The following ADGRL2 variants were observed in gnomAD, a reference collection of about 807,000 sequenced individuals.
ADGRL2 encodes adhesion G protein-coupled receptor L2.
Under a neutral mutation model 157.4 loss-of-function variants are expected in ADGRL2, and 44 were observed. The ratio of observed to expected loss-of-function variants is 0.28; its 90% confidence interval spans 0.22 to 0.36. The LOEUF is 0.36. Among genes scored for constraint, ADGRL2 ranks in the 10% least tolerant of loss-of-function variants. The pLI, the probability that ADGRL2 is intolerant of heterozygous loss-of-function variation, is 1.00. For synonymous variants in ADGRL2, 585 were observed against 624.7 expected, an observed-to-expected ratio of 0.94 and a Z score of 0.95; for missense variants, 1,510 against 1,768.9, an observed-to-expected ratio of 0.85 and a Z score of 2.63.
rs780161057 is a variant in ADGRL2 at position 81,969,256 on chromosome 1, A to G, written c.2602A>G (p.Ile868Val). 29 of 1,613,918 alleles carry G rather than the reference A, an allele frequency of 1.8e-5. No homozygotes were observed. The highest frequency in any genetic ancestry group is 1.6e-4 in the Middle Eastern group (1 of 6,084). ...TGTCATTTCCCTTGTTTGCCTGGCT[A>G]TCTGCATCTTCACCTTCTGCTTTTT... ...GIVISLVCLA[I>V]CIFTFCFFRG... is the part of the protein sequence containing the mutation. The change falls in exon 15 of 24, where the codon ATC becomes GTC. Residue 868 changes from isoleucine (I) to valine (V), a missense_variant. Ile to Val is a conservative substitution (Grantham distance 29). Transcript: ENST00000686636.
chr1:81,507,913 C>A (rs1480931411), intron 2 of ADGRL2, among the ~76,000 whole-genome samples: 2 of 136,852 alleles, frequency 1.5e-5, no homozygotes, highest in African/African-American at 6.7e-5. Flanking sequence ...CATGAGATTA[C>A]CTTATTTAAA....
At chr1:81,785,530 C>G (rs898202613) in intron 2 of ADGRL2, among the ~76,000 whole-genome samples, 1 of 151,956 alleles carries the variant, frequency 6.6e-6, no homozygotes, top group Non-Finnish European at 1.5e-5. Context: ...GAGTTCCAGA[C>G]CAGCCTGGGC....
intron 2 of ADGRL2, among the ~76,000 whole-genome samples, chr1:81,507,763 A>G (rs973907659): frequency 2.6e-5 from 4 of 152,242 alleles, no homozygotes; most frequent in Non-Finnish European, 2.9e-5. Flanking sequence ...TATCAAAGAT[A>G]GAATAATTCA....
chr1:81,677,841 A>C (rs770530969), intron 3 of ADGRL2, among the ~76,000 whole-genome samples: 3 of 152,186 alleles, frequency 2.0e-5, no homozygotes, highest in Non-Finnish European at 4.4e-5. Context: ...GATGACCATA[A>C]AACAGAATTT....
intron 2 of ADGRL2, among the ~76,000 whole-genome samples, chr1:81,790,144 G>A (rs1175993568): frequency 6.6e-6 from 1 of 152,138 alleles, no homozygotes; most frequent in Non-Finnish European, 1.5e-5. Flanking sequence ...TAAGGGAGAA[G>A]AGTGTTCTAG....
chr1:81,491,348 A>C lies in ADGRL2; in HGVS notation c.-248+46259A>C, dbSNP rs115867757. On this transcript the variant is annotated intron_variant, in intron 2 of 24. Coordinates refer to the ADGRL2 transcript ENST00000370721. ...TAGTCTAGTCTAGGTGAGATTCTCT[A>C]TACATCCCAATCTGGGTAATGCTCA... Among the ~76,000 whole-genome samples, 231 of 152,270 alleles carry C rather than the reference A, an allele frequency of 1.5e-3. 1 individual carries two copies. The highest frequency in any genetic ancestry group is 5.4e-3 in the African/African-American group (225 of 41,558).
At chr1:81,784,906 T>G (rs1202151008) in intron 2 of ADGRL2, among the ~76,000 whole-genome samples, 4 of 152,158 alleles carry the variant, frequency 2.6e-5, no homozygotes, top group Non-Finnish European at 5.9e-5. Context: ...ATGAATTAAC[T>G]ATATCTTTTA....
At chr1:81,859,284 C>T (rs2093313074) in intron 2 of ADGRL2, among the ~76,000 whole-genome samples, 1 of 151,902 alleles carries the variant, frequency 6.6e-6, no homozygotes, top group African/African-American at 2.4e-5. Context: ...CGTGTCAATT[C>T]AGTGCTATTT....
intron 2 of ADGRL2, among the ~76,000 whole-genome samples, chr1:81,789,354 A>G (rs2087216739): frequency 2.6e-5 from 4 of 152,224 alleles, no homozygotes; most frequent in African/African-American, 9.6e-5. Flanking sequence ...CATATCATCT[A>G]AGAAAGATAA....
At chr1:81,492,324 T>A (rs1247966182) in intron 2 of ADGRL2, among the ~76,000 whole-genome samples, 2 of 152,214 alleles carry the variant, frequency 1.3e-5, no homozygotes, top group African/African-American at 2.4e-5. Flanking sequence ...TATGTAAATA[T>A]CTTTGTAAAA....
At chr1:81,620,143 A>G (rs1370599412) in intron 3 of ADGRL2, among the ~76,000 whole-genome samples, 1 of 152,230 alleles carries the variant, frequency 6.6e-6, no homozygotes, top group Non-Finnish European at 1.5e-5. Flanking sequence ...GTTTTGCACC[A>G]TAGAAGTAAC....
chr1:81,903,816 C>CATTATATATATATACACATTTTATATAT (rs2094535698), intron 2 of ADGRL2, among the ~76,000 whole-genome samples: 1 of 98,574 alleles, frequency 1.0e-5, no homozygotes, highest in Non-Finnish European at 2.6e-5. Context: ...TTTATATACA[C>CATTATATATATATACACATTTTATATAT]ACACACACAC....
chr1:81,517,630 G>A (rs2079211814), intron 2 of ADGRL2, among the ~76,000 whole-genome samples: 2 of 152,254 alleles, frequency 1.3e-5, no homozygotes, highest in South Asian at 4.1e-4. Flanking sequence ...TAATAGGAGG[G>A]AGAGGAAGCA....
intron 2 of ADGRL2, among the ~76,000 whole-genome samples, chr1:81,510,415 T>G (rs2079054824): frequency 6.6e-6 from 1 of 152,064 alleles, no homozygotes; most frequent in Non-Finnish European, 1.5e-5. Context: ...AAAAACAAAA[T>G]TCCTTATTAG....
intron 2 of ADGRL2, among the ~76,000 whole-genome samples, chr1:81,477,067 G>C: frequency 6.6e-6 from 1 of 152,146 alleles, no homozygotes; most frequent in South Asian, 2.1e-4. Flanking sequence ...ACTACTTTTC[G>C]TTCTGTTCCT....
At chr1:81,720,493 T>C (rs765175148) in intron 1 of ADGRL2, among the ~76,000 whole-genome samples, 26 of 152,116 alleles carry the variant, frequency 1.7e-4, no homozygotes, top group Admixed American at 6.5e-5. Context: ...TATTTAATGT[T>C]AACAAGTGAG....
At chr1:81,476,305 A>T (rs1184165230) in intron 2 of ADGRL2, among the ~76,000 whole-genome samples, 1 of 152,210 alleles carries the variant, frequency 6.6e-6, no homozygotes, top group Non-Finnish European at 1.5e-5. Flanking sequence ...AGAGAACTTG[A>T]CAATATGATT....
chr1:81,490,323 G>A (rs990456456), intron 2 of ADGRL2, among the ~76,000 whole-genome samples: 1 of 151,846 alleles, frequency 6.6e-6, no homozygotes, highest in Non-Finnish European at 1.5e-5. Flanking sequence ...GTAGAGATGG[G>A]GCTTCAACAT....
chr1:81,493,458 G>C (rs540347869), intron 2 of ADGRL2, among the ~76,000 whole-genome samples: 3 of 152,052 alleles, frequency 2.0e-5, no homozygotes, highest in Non-Finnish European at 4.4e-5. Context: ...ATTAAGATAC[G>C]CTTGTGCTCT....
Sources: gnomAD v4.1 joint callset for allele counts (sites outside exome capture counted in the v4.1 genomes callset) on GRCh38, gnomAD v4.1.1 for gene constraint, MANE v1.5 for transcripts, NCBI Gene and HGNC (gene_info 2026-07-23, HGNC 2026-07-21) for gene names.